Variants in SRL observed in about 807,000 individuals in gnomAD.
SRL encodes sarcalumenin.
In SRL, 23 loss-of-function variants were observed where a neutral mutation model predicts 39.5. The ratio of observed to expected loss-of-function variants is 0.58; its 90% CI spans 0.42 to 0.82. The LOEUF (loss-of-function observed/expected upper bound fraction) is 0.82. Ranked by LOEUF, SRL falls within the 40% of genes least tolerant of loss-of-function variation. The probability of loss-of-function intolerance (pLI) is 0.00; values close to 1 mark genes in which losing one functional copy is unlikely to be tolerated. For synonymous variants in SRL, 272 were observed against 237.4 expected, an observed-to-expected ratio of 1.15 and a Z score of -1.34; for missense variants, 592 against 607.8, an observed-to-expected ratio of 0.97 and a Z score of 0.27.
chr16:4,224,593 C>G (rs1324453712), intron 1 of SRL, among the ~76,000 whole-genome samples: 2 of 152,034 alleles, frequency 1.3e-5, no homozygotes, highest in Non-Finnish European at 2.9e-5. Context: ...CACCTGTGGT[C>G]CTACCTACTC....
At chr16:4,205,152 A>C (rs771441436) in intron 1 of SRL, among the ~76,000 whole-genome samples, 4 of 151,994 alleles carry the variant, frequency 2.6e-5, no homozygotes, top group Non-Finnish European at 5.9e-5. Flanking sequence ...GCAAGACCCC[A>C]TCTCTACCAA....
At chr16:4,218,627 G>A (rs1018811836) in intron 1 of SRL, among the ~76,000 whole-genome samples, 5 of 152,248 alleles carry the variant, frequency 3.3e-5, no homozygotes, top group South Asian at 4.1e-4. Context: ...GCTGGACCAC[G>A]TGGGCCCTGC....
intron 1 of SRL, among the ~76,000 whole-genome samples, chr16:4,236,879 G>A (rs978735159): frequency 4.6e-5 from 7 of 151,582 alleles, no homozygotes; most frequent in African/African-American, 1.7e-4. Flanking sequence ...TCCTGACCTC[G>A]TGATCTGCCC....
chr16:4,235,734 G>C (rs1315526061), intron 1 of SRL, among the ~76,000 whole-genome samples: 1 of 151,986 alleles, frequency 6.6e-6, no homozygotes, highest in African/African-American at 2.4e-5. Context: ...AAAGAGAGAG[G>C]ACTACAGTCA....
At chr16:4,236,324 C>A (rs1031332281) in intron 1 of SRL, among the ~76,000 whole-genome samples, 3 of 152,144 alleles carry the variant, frequency 2.0e-5, no homozygotes, top group African/African-American at 7.2e-5. Flanking sequence ...ATCCTGCTGG[C>A]CACTCGCCCT....
At chr16:4,221,050 A>T (rs8058366) in intron 1 of SRL, among the ~76,000 whole-genome samples, 4 of 150,064 alleles carry the variant, frequency 2.7e-5, no homozygotes, top group African/African-American at 9.8e-5. Flanking sequence ...GGGCTATTCC[A>T]TTATTTTTTT....
Position 4,192,591 on chromosome 16 carries a change from GT to G in SRL, c.983del (p.Asn328ThrfsTer31), listed in dbSNP as rs1310002790. ...LNQVIENRLENKIAFIRQHAI... is the reference protein window; with the variant it reads ...LNQVIENRLEXKIAFIRQHAI... The stretch of plus-strand genomic sequence containing the variant: ...CGTGCTGGCGGATGAAGGCAATCTT[GT>G]TCTCCAGTCTGTTCTCGATCACCTG... On this transcript the variant is annotated frameshift_variant, in exon 6 of 6. Coordinates refer to ENST00000399609, the MANE Select transcript of SRL (RefSeq NM_001098814.2). LOFTEE classifies it high-confidence loss of function. The surrounding 1 kb of genome is among the most constrained non-coding windows in gnomAD (Gnocchi z 4.0). 6.2e-7 allele frequency: 1 copy of G among 1,614,066 alleles called. No homozygotes were observed. Among genetic ancestry groups the G allele is most frequent in the East Asian group, 2.2e-5 (1 of 44,898 alleles).
chr16:4,213,994 C>A (rs1416975051), intron 1 of SRL, among the ~76,000 whole-genome samples: 1 of 152,192 alleles, frequency 6.6e-6, no homozygotes, highest in Non-Finnish European at 1.5e-5. Flanking sequence ...ACCTGCTGAG[C>A]TGTTCAAGCC....
rs1020678631 is a variant in SRL at position 4,205,160 on chromosome 16, C to CA, written c.62-527dup. Among the ~76,000 whole-genome samples, 7 of 150,796 alleles carry CA rather than the reference C, an allele frequency of 4.6e-5. No homozygotes were observed. The East Asian group carries it at 5.9e-4, about 13-fold the overall frequency. ...CAACATAGCAAGACCCCATCTCTAC[C>CA]AAAAAAAAACTTTCCAAGGAGTGGT... On this transcript the variant is annotated intron_variant, in intron 1 of 5. Transcript: ENST00000399609.
intron 3 of SRL, among the ~76,000 whole-genome samples, chr16:4,200,040 A>C (rs1180298346): frequency 1.3e-5 from 2 of 152,092 alleles, no homozygotes; most frequent in African/African-American, 2.4e-5. Context: ...CCTCTTCTGT[A>C]TCTTGCCTTC....
At chr16:4,220,593 G>A (rs1050172222) in intron 1 of SRL, among the ~76,000 whole-genome samples, 1 of 152,124 alleles carries the variant, frequency 6.6e-6, no homozygotes, top group Non-Finnish European at 1.5e-5. Flanking sequence ...CCCTCAGGCC[G>A]GGCCTCCAAG....
chr16:4,240,993 C>T (rs2052767043), intron 1 of SRL, among the ~76,000 whole-genome samples: 2 of 152,134 alleles, frequency 1.3e-5, no homozygotes, highest in Non-Finnish European at 2.9e-5. Context: ...TTTGTTCCCA[C>T]CCACTGCCTG....
chr16:4,207,610 C>G (rs1477491404), intron 1 of SRL: 1 of 444,438 alleles, frequency 2.3e-6, no homozygotes, highest in Non-Finnish European at 4.5e-6. Context: ...ACCTCCTGGA[C>G]TTCCTCGGGG....
chr16:4,202,351 T>C (rs1057488565), intron 3 of SRL, among the ~76,000 whole-genome samples: 3 of 152,122 alleles, frequency 2.0e-5, no homozygotes, highest in Non-Finnish European at 2.9e-5. Flanking sequence ...CCCAGCACTT[T>C]GGGAGGCCGA....
At chr16:4,221,131 C>A (rs186115680) in intron 1 of SRL, among the ~76,000 whole-genome samples, 2 of 151,986 alleles carry the variant, frequency 1.3e-5, no homozygotes, top group African/African-American at 4.8e-5. Flanking sequence ...TCACTGCAAC[C>A]TCTGCCTCCT....
At position 4,213,744 on chromosome 16, in the gene SRL, C is replaced by T. The variant is rs147171739; in HGVS notation, c.62-9110G>A. Among the ~76,000 whole-genome samples, 201 of 152,292 alleles carry T rather than the reference C, an allele frequency of 1.3e-3. 2 individuals are homozygous for T. Among genetic ancestry groups the T allele is most frequent in the Admixed American group, 3.1e-3 (47 of 15,298 alleles). ...TTTGCCAGTCCACACGTGCCAGGCT[C>T]TCAGCTGGGTCATCTCCTGCCCTCA... On this transcript the variant is annotated intron_variant, in intron 1 of 5. Coordinates refer to ENST00000399609, the MANE Select transcript of SRL (RefSeq NM_001098814.2).
intron 1 of SRL, among the ~76,000 whole-genome samples, chr16:4,217,281 C>G (rs2141050883): frequency 6.6e-6 from 1 of 152,270 alleles, no homozygotes; most frequent in South Asian, 2.1e-4. Flanking sequence ...GACCCTGTCC[C>G]TTAGAGACAG....
In SRL at chr16:4,195,260, G is replaced by A. The variant is rs1423156649; in HGVS notation, c.610+293C>T. Reference sequence around the variant, plus strand: ...TGCCCAGGCTGGAGTAGAGTGGCACGATTACGGCTCATTGCAGCCTCAACT... The same window carrying A: ...TGCCCAGGCTGGAGTAGAGTGGCACAATTACGGCTCATTGCAGCCTCAACT... On this transcript the variant is annotated intron_variant, in intron 5 of 5. Coordinates refer to ENST00000399609, the MANE Select transcript of SRL (RefSeq NM_001098814.2). 2.6e-5 allele frequency among the ~76,000 whole-genome samples: 4 copies of A among 152,066 alleles called. No individual in the cohort carries two copies. The South Asian group carries it at 6.2e-4, about 24-fold the overall frequency.
chr16:4,225,228 G>A (rs888428741), intron 1 of SRL, among the ~76,000 whole-genome samples: 22 of 152,106 alleles, frequency 1.4e-4, no homozygotes, highest in Non-Finnish European at 2.9e-5. Flanking sequence ...CTACTGAATT[G>A]TATGCTTTAA....
Sources: gnomAD v4.1 joint callset for allele counts (sites outside exome capture counted in the v4.1 genomes callset) on GRCh38, gnomAD v4.1.1 for gene constraint, Gnocchi (gnomAD v3.1) non-coding constraint, MANE v1.5 for transcripts, NCBI Gene and HGNC (gene_info 2026-07-23, HGNC 2026-07-21) for gene names.